The following CPNE4 variants were observed in gnomAD, a reference collection of about 807,000 sequenced individuals.
CPNE4 encodes the protein copine-4.
In CPNE4, 25 loss-of-function variants were observed where a neutral mutation model predicts 67.9. The observed-to-expected ratio is 0.37, with a 90% CI of 0.27 to 0.51. The LOEUF (loss-of-function observed/expected upper bound fraction) is 0.51. Ranked by LOEUF, CPNE4 falls within the 20% of genes least tolerant of loss-of-function variation. CPNE4 has a pLI of 0.93. For missense variants in CPNE4, 464 were observed against 690.8 expected, an observed-to-expected ratio of 0.67 and a Z score of 3.68; for synonymous variants, 242 against 244.9, an observed-to-expected ratio of 0.99 and a Z score of 0.11.
chr3:131,966,308 A>C (rs2072343060), intron 1 of CPNE4, among the ~76,000 whole-genome samples: 1 of 152,190 alleles, frequency 6.6e-6, no homozygotes, highest in Admixed American at 6.5e-5. Context: ...TCATAATTAA[A>C]AGAACTAGAG....
intron 1 of CPNE4, among the ~76,000 whole-genome samples, chr3:131,967,261 A>T (rs929300620): frequency 6.6e-6 from 1 of 152,252 alleles, no homozygotes; most frequent in Non-Finnish European, 1.5e-5. Context: ...GCCCACAGCC[A>T]ATATCATACT....
intron 1 of CPNE4, among the ~76,000 whole-genome samples, chr3:131,981,123 G>T (rs554233535): frequency 6.6e-6 from 1 of 152,116 alleles, no homozygotes; most frequent in Non-Finnish European, 1.5e-5. Context: ...CTCTGTGAGG[G>T]TTCTTAGCTT....
chr3:131,909,615 C>A (rs908713573), intron 1 of CPNE4, among the ~76,000 whole-genome samples: 1 of 152,020 alleles, frequency 6.6e-6, no homozygotes, highest in Non-Finnish European at 1.5e-5. Flanking sequence ...TGTAGGCAAC[C>A]AAACACCACG....
At chr3:131,994,744 T>C (rs1235614118) in intron 1 of CPNE4, among the ~76,000 whole-genome samples, 2 of 152,202 alleles carry the variant, frequency 1.3e-5, no homozygotes, top group Non-Finnish European at 2.9e-5. Flanking sequence ...TAGAGTAGCA[T>C]ATACACTGGG....
intron 1 of CPNE4, among the ~76,000 whole-genome samples, chr3:131,966,240 T>G (rs140569566): frequency 0.02 from 2,971 of 152,280 alleles, 27 homozygotes; most frequent in Non-Finnish European, 0.029. Flanking sequence ...GAGGAAAATT[T>G]ATAGCACTAA....
intron 2 of CPNE4, among the ~76,000 whole-genome samples, chr3:131,767,664 A>T (rs907860527): frequency 6.6e-6 from 1 of 152,120 alleles, no homozygotes; most frequent in South Asian, 2.1e-4. Context: ...ATATTTCTTC[A>T]AAACAATAGC....
chr3:131,906,238 T>A (rs1351097838), intron 1 of CPNE4, among the ~76,000 whole-genome samples: 1 of 151,968 alleles, frequency 6.6e-6, no homozygotes, highest in Non-Finnish European at 1.5e-5. Flanking sequence ...TTTGTTTTAT[T>A]TTGTTTTTGT....
chr3:131,932,393 T>C (rs539035222), intron 1 of CPNE4, among the ~76,000 whole-genome samples: 35 of 152,228 alleles, frequency 2.3e-4, no homozygotes, highest in African/African-American at 4.3e-4. Context: ...GAGGTCCTGC[T>C]TTATGTCATG....
At chr3:131,799,601 C>T (rs899478962) in intron 2 of CPNE4, among the ~76,000 whole-genome samples, 2 of 152,142 alleles carry the variant, frequency 1.3e-5, no homozygotes, top group African/African-American at 4.8e-5. Flanking sequence ...CGACCTCCTC[C>T]CTTTCCTACA....
At chr3:131,537,385 G>A (rs564212694) in intron 15 of CPNE4, among the ~76,000 whole-genome samples, 24 of 149,696 alleles carry the variant, frequency 1.6e-4, no homozygotes, top group Middle Eastern at 3.5e-3. Flanking sequence ...CCGGATTCAA[G>A]CAATTCTCCT....
At chr3:131,609,021 T>C (rs1371775230) in intron 7 of CPNE4, among the ~76,000 whole-genome samples, 1 of 152,344 alleles carries the variant, frequency 6.6e-6, no homozygotes, top group East Asian at 1.9e-4. Context: ...ATTTCAGATA[T>C]CAGCCCATAT....
At chr3:131,664,584 A>G (rs2080211619) in intron 7 of CPNE4, among the ~76,000 whole-genome samples, 1 of 152,188 alleles carries the variant, frequency 6.6e-6, no homozygotes, top group East Asian at 1.9e-4. Context: ...TGAAAAGGTC[A>G]AGAAATAGGC....
chr3:131,959,222 G>A (rs1583517303), intron 1 of CPNE4, among the ~76,000 whole-genome samples: 1 of 50,072 alleles, frequency 2.0e-5, no homozygotes, highest in South Asian at 5.4e-4. Context: ...GGATGGTCTC[G>A]ATCTCCTGAC....
At chr3:131,878,387 T>C (rs553354293) in intron 2 of CPNE4, among the ~76,000 whole-genome samples, 1 of 152,288 alleles carries the variant, frequency 6.6e-6, no homozygotes, top group South Asian at 2.1e-4. Context: ...CGGTATGATA[T>C]ATATTTGCAT....
chr3:131,701,170 T>C (rs1583044803), intron 3 of CPNE4, among the ~76,000 whole-genome samples: 1 of 151,436 alleles, frequency 6.6e-6, no homozygotes, highest in East Asian at 2.0e-4. Context: ...GTGCAGCACA[T>C]CAACATGGCA....
chr3:131,980,673 T>C (rs567673897), intron 1 of CPNE4, among the ~76,000 whole-genome samples: 53 of 152,326 alleles, frequency 3.5e-4, no homozygotes, highest in African/African-American at 9.9e-4. Context: ...GCTTAATAAC[T>C]AACCTCCTGA....
At chr3:131,594,040 T>C (rs1938697784) in intron 7 of CPNE4, among the ~76,000 whole-genome samples, 1 of 152,140 alleles carries the variant, frequency 6.6e-6, no homozygotes, top group Non-Finnish European at 1.5e-5. Context: ...CTATGTTAAA[T>C]GGAAATGATG....
At position 131,901,446 on chromosome 3, in the gene CPNE4, C is replaced by T. The variant is rs79161695; in HGVS notation, c.180+3818G>A. Among the ~76,000 whole-genome samples, 1,076 of 152,132 alleles carry T rather than the reference C, an allele frequency of 7.1e-3. 16 individuals are homozygous for T. Among genetic ancestry groups the T allele is most frequent in the African/African-American group, 0.023 (975 of 41,514 alleles). Reference sequence around the variant, plus strand: ...AAATGAAAGGGTATGAAATGAAACTCTCAGTTTGTAATGTATTTCAAAGTC... The same window carrying T: ...AAATGAAAGGGTATGAAATGAAACTTTCAGTTTGTAATGTATTTCAAAGTC... On this transcript the variant is annotated intron_variant, in intron 2 of 15. Coordinates refer to ENST00000429747, the MANE Select transcript of CPNE4 (RefSeq NM_130808.3).
chr3:131,930,545 T>C (rs1234045827), intron 1 of CPNE4, among the ~76,000 whole-genome samples: 1 of 152,172 alleles, frequency 6.6e-6, no homozygotes, highest in African/African-American at 2.4e-5. Context: ...AATATCTAAT[T>C]GCACAACTGT....
Sources: gnomAD v4.1 joint callset for allele counts (sites outside exome capture counted in the v4.1 genomes callset) on GRCh38, gnomAD v4.1.1 for gene constraint, MANE v1.5 for transcripts, NCBI Gene and HGNC (gene_info 2026-07-23, HGNC 2026-07-21) for gene names.